The following SAMD3 variants were observed in gnomAD, a reference collection of about 807,000 sequenced individuals.
SAMD3 encodes the protein sterile alpha motif domain-containing protein 3.
A neutral mutation model predicts 58.5 loss-of-function variants in SAMD3; 63 were observed. The observed-to-expected ratio is 1.08, with a 90% CI of 0.88 to 1.33. The LOEUF is 1.33. Ranked by LOEUF, SAMD3 falls within the 40% of genes most tolerant of loss-of-function variation. The probability of loss-of-function intolerance (pLI) is 0.00; values close to 1 mark genes in which losing one functional copy is unlikely to be tolerated. For synonymous variants in SAMD3, 220 were observed against 210.3 expected (o/e 1.05, Z -0.40); for missense variants, 604 against 608.4 (o/e 0.99, Z 0.08).
rs563303759 is a variant in SAMD3 at position 130,177,109 on chromosome 6, C to T, written c.655-1101G>A. On this transcript the variant is annotated intron_variant, in intron 7 of 11. Transcript: ENST00000439090. ...TTAGCCTGAATCAATTCCTGGAGGA[C>T]CTGTTAGAGCACAGGTTGCTGAGCA... Among the ~76,000 whole-genome samples the T allele has an allele frequency of 2.6e-5, 4 of 152,210 alleles. No homozygotes were observed. The East Asian group carries it at 5.8e-4, about 22-fold the overall frequency.
chr6:130,193,465 G>A (rs892942967), intron 5 of SAMD3, among the ~76,000 whole-genome samples: 1 of 151,432 alleles, frequency 6.6e-6, no homozygotes, highest in African/African-American at 2.4e-5. Flanking sequence ...TCTTATCTCT[G>A]TGCCCCAACC....
intron 1 of SAMD3, among the ~76,000 whole-genome samples, chr6:130,354,126 C>A (rs956552681): frequency 1.3e-5 from 2 of 152,110 alleles, no homozygotes; most frequent in African/African-American, 4.8e-5. Flanking sequence ...CAGTGAGATA[C>A]TATCTCACAC....
intron 1 of SAMD3, among the ~76,000 whole-genome samples, chr6:130,333,329 T>A (rs1246700196): frequency 1.3e-5 from 2 of 152,212 alleles, no homozygotes; most frequent in East Asian, 3.8e-4. Context: ...CACCACCCAT[T>A]CAAGATTTAG....
chr6:130,174,489 A>T (rs181350243), intron 8 of SAMD3, among the ~76,000 whole-genome samples: 129 of 152,172 alleles, frequency 8.5e-4, no homozygotes, highest in Admixed American at 7.2e-4. Context: ...TGTGCATTGG[A>T]CCCATTGCCT....
intron 1 of SAMD3, among the ~76,000 whole-genome samples, chr6:130,348,436 G>T (rs577879935): frequency 6.6e-6 from 1 of 151,808 alleles, no homozygotes; most frequent in Non-Finnish European, 1.5e-5. Context: ...TCCTAGTCTC[G>T]GATAAAACAC....
intron 4 of SAMD3, among the ~76,000 whole-genome samples, chr6:130,212,349 C>A (rs1795648165): frequency 6.6e-6 from 1 of 152,154 alleles, no homozygotes; most frequent in Non-Finnish European, 1.5e-5. Flanking sequence ...ATAAACAAAT[C>A]CCTAAGGTGA....
chr6:130,265,393 G>A (rs949740594), intron 2 of SAMD3, among the ~76,000 whole-genome samples: 4 of 152,168 alleles, frequency 2.6e-5, no homozygotes, highest in African/African-American at 9.7e-5. Flanking sequence ...GAAGCTGACT[G>A]GTCCATGCAC....
chr6:130,272,468 C>T (rs1438304973), intron 2 of SAMD3, among the ~76,000 whole-genome samples: 1 of 152,110 alleles, frequency 6.6e-6, no homozygotes, highest in East Asian at 1.9e-4. Context: ...TAAACAGCCA[C>T]CTCCCCCAAA....
chr6:130,229,864 G>C (rs532920834), intron 2 of SAMD3, among the ~76,000 whole-genome samples: 1 of 152,324 alleles, frequency 6.6e-6, no homozygotes, highest in Non-Finnish European at 1.5e-5. Context: ...AAGCAAAAGA[G>C]AGTCAGCAAA....
chr6:130,311,521 T>A (rs558584781), intron 2 of SAMD3, among the ~76,000 whole-genome samples: 69 of 152,220 alleles, frequency 4.5e-4, no homozygotes, highest in African/African-American at 1.6e-3. Flanking sequence ...AAAAACTGAC[T>A]GAGACTAAGA....
intron 1 of SAMD3, among the ~76,000 whole-genome samples, chr6:130,349,596 A>G (rs1777584946): frequency 6.6e-6 from 1 of 152,192 alleles, no homozygotes; most frequent in East Asian, 1.9e-4. Flanking sequence ...CCAACCAAAA[A>G]AAGTCCAGGA....
intron 1 of SAMD3, among the ~76,000 whole-genome samples, chr6:130,313,408 G>A (rs762927104): frequency 1.3e-4 from 20 of 152,236 alleles, no homozygotes; most frequent in South Asian, 6.2e-4. Context: ...CATGTTTTGA[G>A]ACATTGTCAA....
rs1790916997 is a variant in SAMD3 at position 130,168,392 on chromosome 6, G to A, written c.822+7449C>T. The stretch of plus-strand genomic sequence containing the variant: ...AGAGGTTGCAGTGAGCCAAGATCAT[G>A]CAACTGCACTCCAGCCTGGGCGACG... On this transcript the variant is annotated intron_variant, in intron 8 of 11. Coordinates refer to ENST00000439090, the MANE Select transcript of SAMD3 (RefSeq NM_001017373.4). 2.6e-5 allele frequency among the ~76,000 whole-genome samples: 4 copies of A among 152,074 alleles called. No homozygotes were observed. The South Asian group carries it at 8.3e-4, about 31-fold the overall frequency.
At chr6:130,356,858 A>T (rs1025530139) in intron 1 of SAMD3, among the ~76,000 whole-genome samples, 1 of 152,210 alleles carries the variant, frequency 6.6e-6, no homozygotes, top group Non-Finnish European at 1.5e-5. Flanking sequence ...ACAACCAGAC[A>T]GCCACAATTA....
intron 2 of SAMD3, among the ~76,000 whole-genome samples, chr6:130,258,684 C>G (rs1421131365): frequency 6.6e-6 from 1 of 152,158 alleles, no homozygotes; most frequent in African/African-American, 2.4e-5. Flanking sequence ...CACCCAGCAA[C>G]CACTCATCTA....
At chr6:130,263,059 A>G (rs1339801145) in intron 2 of SAMD3, among the ~76,000 whole-genome samples, 6 of 152,234 alleles carry the variant, frequency 3.9e-5, no homozygotes, top group Admixed American at 3.9e-4. Context: ...TAGGTTTAAC[A>G]TTAATAACAC....
chr6:130,216,225 G>C (rs1051864223), intron 2 of SAMD3, among the ~76,000 whole-genome samples: 2 of 149,914 alleles, frequency 1.3e-5, no homozygotes, highest in African/African-American at 4.9e-5. Flanking sequence ...CAATCCAAAG[G>C]ACCTCTGATG....
chr6:130,183,039 A>G (rs1481970720), intron 7 of SAMD3: 1 of 268,788 alleles, frequency 3.7e-6, no homozygotes, highest in Non-Finnish European at 7.3e-6. Context: ...AATAGTGTTG[A>G]TTATATTCAC....
intron 5 of SAMD3, among the ~76,000 whole-genome samples, chr6:130,188,588 A>C (rs955629633): frequency 6.6e-6 from 1 of 152,066 alleles, no homozygotes; most frequent in African/African-American, 2.4e-5. Flanking sequence ...AATCACCTTC[A>C]TCCTGCTTTT....
Sources: allele counts gnomAD v4.1 joint callset (sites outside exome capture counted in the v4.1 genomes callset), GRCh38; gene constraint gnomAD v4.1.1; transcripts MANE v1.5; gene names NCBI Gene and HGNC (gene_info 2026-07-23, HGNC 2026-07-21).